The following PTGIR variants were observed in gnomAD, a reference collection of about 807,000 sequenced individuals.
PTGIR encodes prostaglandin I2 receptor.
A neutral mutation model predicts 17.6 loss-of-function variants in PTGIR; 16 were observed. The observed-to-expected ratio is 0.91, with a 90% confidence interval of 0.61 to 1.38. The LOEUF is 1.38. Ranked by LOEUF, PTGIR falls within the 40% of genes most tolerant of loss-of-function variation. The pLI is 0.00. For synonymous variants in PTGIR, 274 were observed against 255.4 expected (o/e 1.07, Z -0.69); for missense variants, 532 against 548.6 (o/e 0.97, Z 0.30).
chr19:46,621,769 G>A lies in PTGIR; in HGVS notation c.769-97C>T. Reference sequence around the variant, plus strand: ...ACTTGCTTACCAGGGATGAGGTAGGGGTGACATGTCAGAGGGGAAGGAGAT... The same window carrying A: ...ACTTGCTTACCAGGGATGAGGTAGGAGTGACATGTCAGAGGGGAAGGAGAT... On this transcript the variant is annotated intron_variant, in intron 2 of 2. Coordinates refer to ENST00000291294, the MANE Select transcript of PTGIR (RefSeq NM_000960.4). The surrounding 1 kb of genome is among the most constrained non-coding windows in gnomAD (Gnocchi z 4.8). 5.4e-6 allele frequency: 8 copies of A among 1,488,486 alleles called. No individual in the cohort carries two copies. Among genetic ancestry groups the A allele is most frequent in the Non-Finnish European group, 7.1e-6 (8 of 1,119,184 alleles). The allele number at this position is 1,488,486 out of a possible 1,614,324, so 92.2% of individuals were successfully genotyped here. A position where few individuals can be genotyped will look rare whatever the true frequency, so the allele number is the denominator to read the frequency against.
chr19:46,612,523 A>G, the PTGIR span, among the ~76,000 whole-genome samples: 1 of 152,228 alleles, frequency 6.6e-6, no homozygotes, highest in South Asian at 2.1e-4. Flanking sequence ...ACTGAGGCCC[A>G]GAGAAGTGAA....
At chr19:46,618,201 A>C (rs1412101507), downstream of PTGIR, among the ~76,000 whole-genome samples, 1 of 152,052 alleles carries the variant, frequency 6.6e-6, no homozygotes, top group South Asian at 2.1e-4. Flanking sequence ...TTTTTAGTAG[A>C]GATAGGGTTT....
chr19:46,620,401 C>A, downstream of PTGIR: 1 of 982,206 alleles, frequency 1.0e-6, no homozygotes, highest in Non-Finnish European at 1.2e-6. Flanking sequence ...GGTGCCCAGC[C>A]AAGTATCTGT....
rs775252968 is a variant in PTGIR, at chr19:46,623,855, G to C, written c.371C>G (p.Pro124Arg). ...AVERCLALSH[P>R]YLYAQLDGPR... ...CCCGTCCAGCTGCGCGTAGAGGTAG[G>C]GGTGGCTCAGCGCCAGGCAGCGCTC... Residue 124 changes from proline (P) to arginine (R), a missense_variant, in exon 2 of 3, where the codon CCC becomes CGC. Physicochemically the swap from Pro to Arg is moderately radical, Grantham distance 103 (BLOSUM62 -2). Transcript: ENST00000291294. 1.2e-6 allele frequency: 2 copies of C among 1,609,992 alleles called. No homozygotes were observed. The highest frequency in any genetic ancestry group is 2.2e-5 in the South Asian group (2 of 90,700).
rs558486812 is a variant in PTGIR, at chr19:46,622,228, G to A, written c.769-556C>T. The A allele has an allele frequency of 3.2e-5, 32 of 985,408 alleles. No individual in the cohort carries two copies. In the African/African-American group the frequency reaches 4.4e-4, roughly 13 times the overall value. The allele number at this position is 985,408 out of a possible 1,614,324, so 61.0% of individuals were successfully genotyped here. ...CACTCCCATTGGGGAGGGGCAGGAC[G>A]GGGTCCCCGCAGGAAACCGAGGTGC... On this transcript the variant is annotated intron_variant, in intron 2 of 2. Coordinates refer to ENST00000291294, the MANE Select transcript of PTGIR (RefSeq NM_000960.4).
Position 46,621,535 on chromosome 19 carries a change from T to C in PTGIR, c.906A>G (p.Arg302=). Reference sequence around the variant, plus strand: ...ACAGGCAGCAGACCCAGAGCTTGAGTCGCTGGAAGACAGCCTTGCGGAAAA... The same window carrying C: ...ACAGGCAGCAGACCCAGAGCTTGAGCCGCTGGAAGACAGCCTTGCGGAAAA... ...FILFRKAVFQ[R]LKLWVCCLCL... Residue 302 remains arginine (R), a synonymous_variant, in exon 3 of 3, where the codon CGA becomes CGG. Transcript: ENST00000291294. This position sits in a 1 kb window ranked among gnomAD's most constrained non-coding sequence, Gnocchi z 4.8. 1 of 1,613,810 alleles carries C rather than the reference T, an allele frequency of 6.2e-7. No individual in the cohort carries two copies. The highest frequency in any genetic ancestry group is 8.5e-7 in the Non-Finnish European group (1 of 1,179,970).
Position 46,623,849 on chromosome 19 carries a change from A to G in PTGIR, c.377T>C (p.Leu126Pro). The stretch of plus-strand genomic sequence containing the variant: ...GCGGGGCCCGTCCAGCTGCGCGTAG[A>G]GGTAGGGGTGGCTCAGCGCCAGGCA... ...ERCLALSHPY[L>P]YAQLDGPRCA... Residue 126 changes from leucine (L) to proline (P), a missense_variant, in exon 2 of 3, where the codon CTC becomes CCC. Physicochemically the swap from Leu to Pro is moderately conservative, Grantham distance 98. Transcript: ENST00000291294. The G allele has an allele frequency of 1.2e-6, 2 of 1,609,698 alleles. No homozygotes were observed. The highest frequency in any genetic ancestry group is 1.7e-6 in the Non-Finnish European group (2 of 1,178,668).
At chr19:46,622,151 A>G in intron 2 of PTGIR, 5 of 985,294 alleles carry the variant, frequency 5.1e-6, no homozygotes, top group Non-Finnish European at 6.0e-6. Context: ...GCTCAGAAGA[A>G]AGGTGGCACG....
At chr19:46,619,404 G>A (rs78631826), downstream of PTGIR, among the ~76,000 whole-genome samples, 21 of 151,316 alleles carry the variant, frequency 1.4e-4, no homozygotes, top group African/African-American at 4.6e-4. Context: ...CTGAGGCAGG[G>A]GAATCACTTG....
chr19:46,623,920 G>A lies in PTGIR; in HGVS notation c.306C>T (p.Phe102=), dbSNP rs761358900. 6.9e-6 allele frequency: 11 copies of A among 1,604,556 alleles called. No individual in the cohort carries two copies. The highest frequency in any genetic ancestry group is 2.2e-5 in the East Asian group (1 of 44,500). ...CDAFAFAMTF[F]GLASMLILFA... ...AGAGGATGAGCATGGACGCCAGGCCGAAGAAGGTCATGGCGAAGGCGAAGG... is the reference window on the plus strand; with the variant it reads ...AGAGGATGAGCATGGACGCCAGGCCAAAGAAGGTCATGGCGAAGGCGAAGG... The change falls in exon 2 of 3, where the codon TTC becomes TTT. Residue 102 remains phenylalanine, a synonymous_variant. Transcript: ENST00000291294.
In PTGIR at chr19:46,621,845, C is replaced by A. The variant is rs1305307810; in HGVS notation, c.769-173G>T. 6 of 1,382,632 alleles carry A rather than the reference C, an allele frequency of 4.3e-6. No homozygotes were observed. In the Admixed American group the frequency reaches 1.9e-4, roughly 43 times the overall value. The allele number at this position is 1,382,632 out of a possible 1,614,324, so 85.6% of individuals were successfully genotyped here. ...ATCTGGGGAACACAGGGAGAGAAAGCCCCAGGAAATTGCCAGAGATGCCTA... is the reference window on the plus strand; with the variant it reads ...ATCTGGGGAACACAGGGAGAGAAAGACCCAGGAAATTGCCAGAGATGCCTA... On this transcript the variant is annotated intron_variant, in intron 2 of 2. Transcript: ENST00000291294. The surrounding 1 kb of genome is among the most constrained non-coding windows in gnomAD (Gnocchi z 4.8).
the PTGIR span, among the ~76,000 whole-genome samples, chr19:46,611,059 G>A: frequency 1.3e-5 from 2 of 152,210 alleles, no homozygotes; most frequent in African/African-American, 4.8e-5. Context: ...TCTGAGGCAG[G>A]CCCATCATGC....
chr19:46,611,326 C>T, the PTGIR span, among the ~76,000 whole-genome samples: 1 of 152,032 alleles, frequency 6.6e-6, no homozygotes, highest in African/African-American at 2.4e-5. Flanking sequence ...CAGGGGCAGG[C>T]CCTGCAGTGG....
the PTGIR span, among the ~76,000 whole-genome samples, chr19:46,613,412 C>T: frequency 2.0e-5 from 3 of 146,362 alleles, no homozygotes; most frequent in South Asian, 6.7e-4. Context: ...TCTCGGCTCA[C>T]TGCAACTTCC....
chr19:46,615,119 G>A, the PTGIR span, among the ~76,000 whole-genome samples: 1 of 152,160 alleles, frequency 6.6e-6, no homozygotes, highest in African/African-American at 2.4e-5. Flanking sequence ...AACCCGGGAG[G>A]TGGAGGTTGC....
At chr19:46,618,498 T>TA (rs1281802391), downstream of PTGIR, among the ~76,000 whole-genome samples, 2 of 151,264 alleles carry the variant, frequency 1.3e-5, no homozygotes. Flanking sequence ...AGGTTCTTGA[T>TA]ATGTTGCCCA....
chr19:46,620,840 C>G lies in PTGIR; in HGVS notation c.*440G>C. 1.0e-6 allele frequency: 1 copy of G among 988,658 alleles called. No homozygotes were observed. Among genetic ancestry groups the G allele is most frequent in the South Asian group, 4.7e-5 (1 of 21,328 alleles). The allele number at this position is 988,658 out of a possible 1,614,324, so 61.2% of individuals were successfully genotyped here. On this transcript the variant is annotated 3_prime_UTR_variant, in exon 3 of 3. Transcript: ENST00000291294. The stretch of plus-strand genomic sequence containing the variant: ...TTTGTGGAGCAGAAAGGGGCTGGCT[C>G]TTGGAGTGGCTTGGTAGAGGGGGAG...
intron 2 of PTGIR, chr19:46,622,376 C>T: frequency 1.0e-6 from 1 of 985,380 alleles, no homozygotes; most frequent in Non-Finnish European, 1.2e-6. Flanking sequence ...AGACACTGCC[C>T]CTCATCTGTA....
In PTGIR at chr19:46,623,983, C is replaced by T. The variant is rs768472983; in HGVS notation, c.243G>A (p.Leu81=). The change falls in exon 2 of 3, where the codon CTG becomes CTA. Residue 81 remains leucine (L), a synonymous_variant. Transcript: ENST00000291294. ...VFVAYARNSS[L]LGLARGGPAL... ...CGGGGCCGCCTCGGGCCAGGCCCAG[C>T]AGGGAGCTGTTGCGCGCATAGGCCA... is the stretch of plus-strand genomic sequence containing the variant. 4 of 1,566,360 alleles carry T rather than the reference C, an allele frequency of 2.6e-6. No homozygotes were observed. Among genetic ancestry groups the T allele is most frequent in the Non-Finnish European group, 2.6e-6 (3 of 1,155,174 alleles).
Sources: allele counts gnomAD v4.1 joint callset (sites outside exome capture counted in the v4.1 genomes callset), GRCh38; gene constraint gnomAD v4.1.1; non-coding constraint Gnocchi (gnomAD v3.1); transcripts MANE v1.5; gene names NCBI Gene and HGNC (gene_info 2026-07-23, HGNC 2026-07-21).